The following COL6A5 variants were observed in gnomAD, a reference collection of about 807,000 sequenced individuals.
COL6A5 encodes collagen alpha-5(VI) chain.
COL6A5 carries 48 observed loss-of-function variants against 65.6 expected under a neutral mutation model. The ratio of observed to expected loss-of-function variants is 0.73; its 90% CI spans 0.58 to 0.93. The LOEUF (loss-of-function observed/expected upper bound fraction) is 0.93, where lower values mean the gene tolerates loss of function less well. Ranked by LOEUF, COL6A5 falls within the 40% of genes least tolerant of loss-of-function variation. The pLI, the probability that COL6A5 is intolerant of heterozygous loss-of-function variation, is 0.00. For synonymous variants in COL6A5, 291 were observed against 322.8 expected (o/e 0.90, Z 1.05); for missense variants, 914 against 928.3 (o/e 0.98, Z 0.20).
intron 5 of COL6A5, among the ~76,000 whole-genome samples, chr3:130,386,041 T>G (rs1040221298): frequency 6.6e-6 from 1 of 152,094 alleles, no homozygotes; most frequent in Non-Finnish European, 1.5e-5. Context: ...TATATCTGGT[T>G]GTTTTTTTAT....
exon 3 of COL6A5, chr3:130,376,444 C>T: frequency 6.2e-7 from 1 of 1,612,352 alleles, no homozygotes; most frequent in Non-Finnish European, 8.5e-7. Flanking sequence ...GGCAGAAGCC[C>T]CATGCTGAAC....
At chr3:130,381,160 G>A (rs983950753) in intron 4 of COL6A5, among the ~76,000 whole-genome samples, 15 of 152,200 alleles carry the variant, frequency 9.9e-5, no homozygotes, top group African/African-American at 3.1e-4. Flanking sequence ...ATGGAAGCTG[G>A]GAAATGTGAC....
chr3:130,376,156 A>T, intron 2 of COL6A5, 81 bp from the exon 3 acceptor site: 1 of 1,379,658 alleles, frequency 7.2e-7, no homozygotes, highest in Non-Finnish European at 9.7e-7. Flanking sequence ...ACACCAGCAC[A>T]TAGTCTTAAA....
At chr3:130,471,074 T>C (rs902117919) in intron 7 of COL6A5, 107 bp downstream of exon 39, 10 of 553,242 alleles carry the variant, frequency 1.8e-5, no homozygotes, top group Non-Finnish European at 2.7e-5. Context: ...GTGTGTGTTT[T>C]TGTGTGTGTG....
chr3:130,394,926 G>A, exon 8 of COL6A5: 1 of 1,551,228 alleles, frequency 6.4e-7, no homozygotes, highest in Non-Finnish European at 8.7e-7. Context: ...ATTTTCCTTT[G>A]CGATGGCTCT....
At chr3:130,426,522 C>A (rs1018576956), upstream of COL6A5, 83 of 1,023,046 alleles carry the variant, frequency 8.1e-5, no homozygotes, top group Non-Finnish European at 1.2e-4. Flanking sequence ...GCCTCTGTAA[C>A]AAGCTTGTCT....
rs551030583 is a variant in COL6A5, at chr3:130,483,814, C to T, written c.2329-221C>T. Among the ~76,000 whole-genome samples the T allele has an allele frequency of 5.3e-5, 8 of 152,228 alleles. No individual in the cohort carries two copies. The South Asian group carries it at 1.2e-3, about 24-fold the overall frequency. On this transcript the variant is annotated intron_variant, in intron 7 of 7. Coordinates refer to ENST00000512836, the Ensembl canonical transcript of COL6A5. The stretch of plus-strand genomic sequence containing the variant: ...ATGGAATGTCAAATCATTAATGTAC[C>T]AACATTCTTCCAGGAAGAATTATGT...
intron 1 of COL6A5, among the ~76,000 whole-genome samples, chr3:130,351,567 C>T (rs1934706512): frequency 6.6e-6 from 1 of 152,230 alleles, no homozygotes; most frequent in Non-Finnish European, 1.5e-5. Context: ...TGTTTGTCAT[C>T]ACTGGACATC....
chr3:130,468,210 A>T (rs1427764271), intron 5 of COL6A5, among the ~76,000 whole-genome samples: 1 of 152,090 alleles, frequency 6.6e-6, no homozygotes, highest in East Asian at 1.9e-4. Flanking sequence ...AAATGGGCTG[A>T]TGAACTGTTT....
exon 6 of COL6A5, chr3:130,468,818 G>A: frequency 6.2e-7 from 1 of 1,609,026 alleles, no homozygotes; most frequent in Non-Finnish European, 8.5e-7. Flanking sequence ...TGGCAGAAAA[G>A]AAGAACCAGA....
Position 130,443,475 on chromosome 3 carries a change from G to A in COL6A5, c.1242-1G>A. 2 of 1,600,872 alleles carry A rather than the reference G, an allele frequency of 1.2e-6. No individual in the cohort carries two copies. Among genetic ancestry groups the A allele is most frequent in the Non-Finnish European group, 8.6e-7 (1 of 1,168,370 alleles). On this transcript the variant is annotated splice_acceptor_variant, in intron 3 of 7. Coordinates refer to ENST00000512836, the Ensembl canonical transcript of COL6A5. LOFTEE classifies it high-confidence loss of function. ...TAACTATAACTTTGTTCTCTCAATA[G>A]GGGGATTCAATCAGTACCCACCACC...
At chr3:130,459,244 T>G (rs867897551) in intron 5 of COL6A5, among the ~76,000 whole-genome samples, 1 of 152,148 alleles carries the variant, frequency 6.6e-6, no homozygotes, top group Admixed American at 6.6e-5. Context: ...GCCTTCAGAC[T>G]AAGCTGGAGT....
exon 3 of COL6A5, chr3:130,376,362 A>G: frequency 6.8e-6 from 11 of 1,613,770 alleles, no homozygotes; most frequent in Non-Finnish European, 9.3e-6. Flanking sequence ...CATAGAGGCC[A>G]ACAAATACCG....
exon 5 of COL6A5, chr3:130,385,174 CAG>C (rs1320841725): frequency 1.3e-6 from 2 of 1,551,018 alleles, no homozygotes; most frequent in South Asian, 1.2e-5. Flanking sequence ...TGTCCACAGA[CAG>C]AGTCGTGGAA....
chr3:130,408,028 A>G (rs1193359344), intron 17 of COL6A5, among the ~76,000 whole-genome samples: 4 of 152,150 alleles, frequency 2.6e-5, no homozygotes, highest in South Asian at 2.1e-4. Flanking sequence ...TGATTGTGTT[A>G]TCTGCACAAA....
chr3:130,469,316 T>C, exon 6 of COL6A5: 1 of 1,612,990 alleles, frequency 6.2e-7, no homozygotes, highest in African/African-American at 1.3e-5. Flanking sequence ...GTGTCAAGGC[T>C]ACTCCATATT....
intron 3 of COL6A5, among the ~76,000 whole-genome samples, 189 bp downstream of exon 3, chr3:130,377,025 T>C (rs974301530): frequency 1.3e-5 from 2 of 152,182 alleles, no homozygotes; most frequent in Non-Finnish European, 2.9e-5. Context: ...CTCTATCTTA[T>C]TGCACTCCTT....
upstream of COL6A5, among the ~76,000 whole-genome samples, chr3:130,427,598 C>A (rs1391048): frequency 0.065 from 9,947 of 151,972 alleles, 736 homozygotes; most frequent in East Asian, 0.34. Context: ...ATGAAACGAT[C>A]GACCCCAGTG....
chr3:130,432,364 C>G (rs1937855502), intron 1 of COL6A5, among the ~76,000 whole-genome samples: 1 of 151,994 alleles, frequency 6.6e-6, no homozygotes, highest in South Asian at 2.1e-4. Flanking sequence ...ACCATCCTGG[C>G]CAACATGGTG....
Sources: gnomAD v4.1 joint callset for allele counts (sites outside exome capture counted in the v4.1 genomes callset) on GRCh38, gnomAD v4.1.1 for gene constraint, MANE v1.5 for transcripts, NCBI Gene and HGNC (gene_info 2026-07-23, HGNC 2026-07-21) for gene names.